ATG5: variants seen among roughly 807,000 people sequenced by gnomAD.
The protein encoded by ATG5 is autophagy related 5, also known as autophagy protein 5.
Under a neutral mutation model 36.5 loss-of-function variants are expected in ATG5, and 14 were observed. That is an observed-to-expected ratio of 0.38 (90% CI 0.25 to 0.60). ATG5 has a LOEUF of 0.60. Among genes scored for constraint, ATG5 ranks in the 20% least tolerant of loss-of-function variants. The pLI, the probability that ATG5 is intolerant of heterozygous loss-of-function variation, is 0.60. For synonymous variants in ATG5, 95 were observed against 101.5 expected (o/e 0.94, Z 0.38); for missense variants, 195 against 326.7 (o/e 0.60, Z 3.11).
intron 4 of ATG5, among the ~76,000 whole-genome samples, chr6:106,281,263 G>A (rs1166100144): frequency 1.3e-5 from 2 of 152,162 alleles, no homozygotes; most frequent in Non-Finnish European, 2.9e-5. Flanking sequence ...AATTAAATGA[G>A]TTTTGACAAT....
At chr6:106,234,620 G>T (rs1172443309) in intron 6 of ATG5, among the ~76,000 whole-genome samples, 1 of 152,168 alleles carries the variant, frequency 6.6e-6, no homozygotes, top group Non-Finnish European at 1.5e-5. Context: ...TGGCTCTTCA[G>T]AATCTATGTG....
intron 2 of ATG5, 94 bp downstream of exon 2, chr6:106,316,006 TA>T: frequency 1.0e-6 from 1 of 989,238 alleles, no homozygotes; most frequent in Non-Finnish European, 1.5e-6. Flanking sequence ...TAGCTGTATC[TA>T]AAACGTTACA....
At chr6:106,193,525 T>C (rs1318460692) in intron 7 of ATG5, among the ~76,000 whole-genome samples, 2 of 152,192 alleles carry the variant, frequency 1.3e-5, no homozygotes, top group Admixed American at 6.5e-5. Flanking sequence ...GTTGTAATTA[T>C]AAAAAGCAAA....
chr6:106,320,915 C>G (rs1462093926), intron 1 of ATG5, among the ~76,000 whole-genome samples: 3 of 152,088 alleles, frequency 2.0e-5, no homozygotes, highest in African/African-American at 7.2e-5. Flanking sequence ...ATTTCAGCAA[C>G]TAAGGCAAAA....
chr6:106,280,597 T>C (rs1310156038), intron 4 of ATG5, among the ~76,000 whole-genome samples: 1 of 152,096 alleles, frequency 6.6e-6, no homozygotes, highest in East Asian at 1.9e-4. Flanking sequence ...TATAGGGAGT[T>C]AGGTAAATGA....
In ATG5 at chr6:106,201,992, G is replaced by C. The variant is rs761736531; in HGVS notation, c.671C>G (p.Pro224Arg). 1 of 1,611,924 alleles carries C rather than the reference G, an allele frequency of 6.2e-7. No homozygotes were observed. The highest frequency in any genetic ancestry group is 8.5e-7 in the Non-Finnish European group (1 of 1,178,636). ...TLGDLLKEVC[P>R]SAIDPEDGEK... ...ATTACCTTCAGGATCAATAGCAGAA[G>C]GACAAACTTCTTTGAGGAGATCTCC... The change falls in exon 7 of 8, where the codon CCT (proline) becomes CGT (arginine). Residue 224 changes from proline to arginine, a missense_variant. By Grantham distance (103) the Pro-to-Arg change is moderately radical. Transcript: ENST00000369076.
At chr6:106,189,479 G>C (rs930629503) in intron 7 of ATG5, among the ~76,000 whole-genome samples, 1 of 152,060 alleles carries the variant, frequency 6.6e-6, no homozygotes, top group Non-Finnish European at 1.5e-5. Flanking sequence ...GCTTTAGCTG[G>C]GCGTGGTGGT....
In ATG5 at chr6:106,268,467, G is replaced by A. The variant is rs143703326; in HGVS notation, c.478+11194C>T. Among the ~76,000 whole-genome samples the A allele has an allele frequency of 1.2e-4, 18 of 152,192 alleles. No homozygotes were observed. In the East Asian group the frequency reaches 3.5e-3, roughly 29 times the overall value. On this transcript the variant is annotated intron_variant, in intron 5 of 7. Coordinates refer to ENST00000369076, the MANE Select transcript of ATG5 (RefSeq NM_004849.4). The stretch of plus-strand genomic sequence containing the variant: ...AGTTCAACCATTGTGGAACAGTGTG[G>A]CAATTCCTCAAGGATCTACAGCCAG...
At chr6:106,212,268 A>C (rs1015588661) in intron 6 of ATG5, among the ~76,000 whole-genome samples, 3 of 152,258 alleles carry the variant, frequency 2.0e-5, no homozygotes, top group African/African-American at 7.2e-5. Context: ...ACTAGATTTT[A>C]CAATTTATAA....
chr6:106,260,430 T>A (rs1471588622), intron 5 of ATG5, among the ~76,000 whole-genome samples: 2 of 152,148 alleles, frequency 1.3e-5, no homozygotes, highest in Admixed American at 6.5e-5. Flanking sequence ...GTAAAAGAGC[T>A]CCAGGAACTT....
At chr6:106,255,669 A>C (rs938262115) in intron 5 of ATG5, among the ~76,000 whole-genome samples, 4 of 152,222 alleles carry the variant, frequency 2.6e-5, no homozygotes, top group Admixed American at 2.0e-4. Flanking sequence ...CAGGTAATAA[A>C]AAAGATTCAA....
At chr6:106,197,298 T>C (rs1252428516) in intron 7 of ATG5, among the ~76,000 whole-genome samples, 1 of 152,050 alleles carries the variant, frequency 6.6e-6, no homozygotes, top group Non-Finnish European at 1.5e-5. Context: ...AAAGTGGGAG[T>C]ATCACTTGAG....
chr6:106,220,288 C>T (rs888319407), intron 6 of ATG5, among the ~76,000 whole-genome samples: 7 of 152,214 alleles, frequency 4.6e-5, no homozygotes, highest in East Asian at 1.9e-4. Flanking sequence ...CACAACAATA[C>T]GTAACTGTAC....
intron 1 of ATG5, among the ~76,000 whole-genome samples, chr6:106,320,029 C>G (rs1438624855): frequency 4.6e-5 from 7 of 152,232 alleles, no homozygotes; most frequent in Non-Finnish European, 7.3e-5. Flanking sequence ...ACATGTGATA[C>G]ACACAAGCCT....
rs1003280752 is a variant in ATG5, at chr6:106,316,134, A to T, written c.75T>A (p.Asp25Glu). 6.2e-7 allele frequency: 1 copy of T among 1,613,496 alleles called. No individual in the cohort carries two copies. ...GTTCTGCTTCCCTTTCAGTTATCTC[A>T]TCCTGATATAGCGTGAAACAAGTTG... ...RIPTCFTLYQ[D>E]EITEREAEPY... Residue 25 changes from aspartate (D) to glutamate (E), a missense_variant, in exon 2 of 8, where the codon GAT becomes GAA. Physicochemically the swap from Asp to Glu is conservative, Grantham distance 45. Transcript: ENST00000369076.
At chr6:106,262,340 AG>A (rs1779055148) in intron 5 of ATG5, among the ~76,000 whole-genome samples, 1 of 152,206 alleles carries the variant, frequency 6.6e-6, no homozygotes, top group South Asian at 2.1e-4. Flanking sequence ...CTGGGATTAC[AG>A]GCATGAGCCA....
At chr6:106,324,945 T>C (rs904209025) in intron 1 of ATG5, among the ~76,000 whole-genome samples, 16 of 152,202 alleles carry the variant, frequency 1.1e-4, no homozygotes, top group Non-Finnish European at 1.8e-4. Flanking sequence ...TTCTGATTGC[T>C]CAAGACAGGC....
intron 4 of ATG5, among the ~76,000 whole-genome samples, chr6:106,289,870 A>G (rs1395189871): frequency 6.6e-6 from 1 of 152,196 alleles, no homozygotes; most frequent in Non-Finnish European, 1.5e-5. Flanking sequence ...ACTTGCTTCT[A>G]TGTTCAATAT....
At chr6:106,247,884 A>G (rs1029198374) in intron 6 of ATG5, among the ~76,000 whole-genome samples, 2 of 152,204 alleles carry the variant, frequency 1.3e-5, no homozygotes, top group Non-Finnish European at 2.9e-5. Context: ...AAAGTGCTCC[A>G]AGTACTGACT....
Sources: allele counts gnomAD v4.1 joint callset (sites outside exome capture counted in the v4.1 genomes callset), GRCh38; gene constraint gnomAD v4.1.1; transcripts MANE v1.5; gene names NCBI Gene and HGNC (gene_info 2026-07-23, HGNC 2026-07-21).